TNFRSF11A: variants seen among roughly 807,000 people sequenced by gnomAD.
TNFRSF11A encodes the protein TNF receptor superfamily member 11a.
TNFRSF11A carries 32 observed loss-of-function variants against 55.7 expected under a neutral mutation model. That is an observed-to-expected ratio of 0.57 (90% CI 0.43 to 0.77). TNFRSF11A has a LOEUF of 0.77. Among genes scored for constraint, TNFRSF11A ranks in the 30% least tolerant of loss-of-function variants. The pLI is 0.00. For synonymous variants in TNFRSF11A, 311 were observed against 331.0 expected (o/e 0.94, Z 0.65); for missense variants, 753 against 809.8 (o/e 0.93, Z 0.85).
intron 3 of TNFRSF11A, among the ~76,000 whole-genome samples, chr18:62,350,234 C>T (rs1363702508): frequency 2.6e-5 from 4 of 152,150 alleles, no homozygotes; most frequent in Admixed American, 2.6e-4. Context: ...TTAATCCTCC[C>T]TGAAATCCTG....
In TNFRSF11A at chr18:62,385,683, C is replaced by T. The variant is rs970294658; in HGVS notation, c.*649C>T. On this transcript the variant is annotated 3_prime_UTR_variant, in exon 10 of 10. Transcript: ENST00000586569. ...GACTCCCCCCCCAGAGACACGGTCC[C>T]ACCATGTTACCCAGCCTGGTCTCAA... 1 of 151,212 alleles carries T rather than the reference C, an allele frequency of 6.6e-6. No individual in the cohort carries two copies. The highest frequency in any genetic ancestry group is 1.5e-5 in the Non-Finnish European group (1 of 67,730). 9.4% of individuals were successfully genotyped at this position (151,212 alleles called of 1,614,324 possible). A position where few individuals can be genotyped will look rare whatever the true frequency, so the allele number is the denominator to read the frequency against.
chr18:62,341,835 G>GTTTTTTTTTTTTTTTTTTTTTTT lies in TNFRSF11A; in HGVS notation c.76-6333_76-6332insTTTTTTTTTTTTTTTTTTTTTTT, dbSNP rs1568475429. Among the ~76,000 whole-genome samples, 2 of 68,852 alleles carry GTTTTTTTTTTTTTTTTTTTTTTT rather than the reference G, an allele frequency of 2.9e-5. 1 individual carries two copies. 45.2% of individuals were successfully genotyped at this position (68,852 alleles called of 152,430 possible). Reference sequence around the variant, plus strand: ...GGTGAGGAGACTCAGGCTGAGAATGGCTTTTTTTTTTTTTTTTTTTTTTGG... The same window carrying GTTTTTTTTTTTTTTTTTTTTTTT: ...GGTGAGGAGACTCAGGCTGAGAATGGTTTTTTTTTTTTTTTTTTTTTTTCTTTTTTTTTTTTTTTTTTTTTTGG... On this transcript the variant is annotated intron_variant, in intron 1 of 9. Coordinates refer to ENST00000586569, the MANE Select transcript of TNFRSF11A (RefSeq NM_003839.4).
intron 9 of TNFRSF11A, among the ~76,000 whole-genome samples, chr18:62,370,102 A>AT (rs1179503666): frequency 6.6e-6 from 1 of 152,224 alleles, no homozygotes; most frequent in East Asian, 1.9e-4. Context: ...CAGGCAGATA[A>AT]TTTTAACAAT....
In TNFRSF11A at chr18:62,383,852, G is replaced by C. The variant is rs1008262682; in HGVS notation, c.1568-899G>C. The stretch of plus-strand genomic sequence containing the variant: ...GTTTTGTGAATCTGTTTTGTTTCCG[G>C]GAGTAATTTTAATGTTAAGGAAGTG... On this transcript the variant is annotated intron_variant, in intron 9 of 9. Transcript: ENST00000586569. This position sits in a 1 kb window ranked among gnomAD's most constrained non-coding sequence, Gnocchi z 4.2. Among the ~76,000 whole-genome samples the C allele has an allele frequency of 6.6e-6, 1 of 152,008 alleles. No individual in the cohort carries two copies. The highest frequency in any genetic ancestry group is 3.4e-3 in the Middle Eastern group (1 of 294).
chr18:62,343,300 A>G (rs1448984996), intron 1 of TNFRSF11A, among the ~76,000 whole-genome samples: 1 of 152,228 alleles, frequency 6.6e-6, no homozygotes, highest in Non-Finnish European at 1.5e-5. Flanking sequence ...ATTTGACAAG[A>G]GGGGCCAAGC....
In TNFRSF11A at chr18:62,369,010, G is replaced by A; in HGVS notation, c.1093G>A (p.Glu365Lys). Residue 365 changes from glutamate to lysine, a missense_variant, in exon 9 of 10, where the codon GAG becomes AAG. By Grantham distance (56) the Glu-to-Lys change is moderately conservative. Transcript: ENST00000586569. ...CACAGACCAGTTACTGTTCCTCACT[G>A]AGCCTGGAAGCAAATCCACACCTCC... The part of the protein sequence containing the change: ...QPTDQLLFLT[E>K]PGSKSTPPFS... The A allele has an allele frequency of 6.2e-7, 1 of 1,614,238 alleles. No homozygotes were observed. The highest frequency in any genetic ancestry group is 8.5e-7 in the Non-Finnish European group (1 of 1,180,048).
chr18:62,325,671 C>A lies in TNFRSF11A; in HGVS notation c.75+244C>A, dbSNP rs183948830. ...GTTGGCGGGACCGCAACACCCGAAA[C>A]GGGCTCTTCCAAAAGCCCCTCTTAG... On this transcript the variant is annotated intron_variant, in intron 1 of 9. Transcript: ENST00000586569. The surrounding 1 kb of genome is among the most constrained non-coding windows in gnomAD (Gnocchi z 4.7). 5.3e-5 allele frequency among the ~76,000 whole-genome samples: 8 copies of A among 152,306 alleles called. No homozygotes were observed. In the East Asian group the frequency reaches 1.5e-3, roughly 29 times the overall value.
intron 4 of TNFRSF11A, among the ~76,000 whole-genome samples, chr18:62,356,481 C>T (rs1909264483): frequency 6.6e-6 from 1 of 152,214 alleles, no homozygotes; most frequent in Non-Finnish European, 1.5e-5. Context: ...ATCAGGGATT[C>T]TATTAGACTT....
intron 1 of TNFRSF11A, among the ~76,000 whole-genome samples, chr18:62,330,174 G>T (rs377173047): frequency 6.6e-6 from 1 of 152,240 alleles, no homozygotes; most frequent in Non-Finnish European, 1.5e-5. Flanking sequence ...CTGTCTTCAG[G>T]AGATTGGCAG....
rs1051638178 is a variant in TNFRSF11A at position 62,327,746 on chromosome 18, C to T, written c.75+2319C>T. 1.2e-4 allele frequency among the ~76,000 whole-genome samples: 18 copies of T among 152,232 alleles called. 1 individual carries two copies. The highest frequency in any genetic ancestry group is 9.6e-4 in the East Asian group (5 of 5,186). On this transcript the variant is annotated intron_variant, in intron 1 of 9. Transcript: ENST00000586569. Reference sequence around the variant, plus strand: ...CAGAAAGTGCCTTATCTGTAGGGATCGTATTTAGTTTCATTTTTATTATAT... The same window carrying T: ...CAGAAAGTGCCTTATCTGTAGGGATTGTATTTAGTTTCATTTTTATTATAT...
At chr18:62,363,655 C>A (rs1043040915) in intron 7 of TNFRSF11A, among the ~76,000 whole-genome samples, 1 of 152,170 alleles carries the variant, frequency 6.6e-6, no homozygotes, top group Admixed American at 6.5e-5. Flanking sequence ...GCATGAGCCA[C>A]CGCACCCAGC....
intron 9 of TNFRSF11A, among the ~76,000 whole-genome samples, chr18:62,377,242 T>C (rs1486638757): frequency 3.3e-5 from 5 of 152,182 alleles, no homozygotes; most frequent in East Asian, 3.9e-4. Flanking sequence ...CACTAAATAA[T>C]ATTCCATTGT....
rs1409365536 is a variant in TNFRSF11A, at chr18:62,385,694, C to T, written c.*660C>T. On this transcript the variant is annotated 3_prime_UTR_variant, in exon 10 of 10. Coordinates refer to ENST00000586569, the MANE Select transcript of TNFRSF11A (RefSeq NM_003839.4). Reference sequence around the variant, plus strand: ...CAGAGACACGGTCCCACCATGTTACCCAGCCTGGTCTCAAACTCCCCAGCT... The same window carrying T: ...CAGAGACACGGTCCCACCATGTTACTCAGCCTGGTCTCAAACTCCCCAGCT... The T allele has an allele frequency of 2.0e-5, 3 of 149,376 alleles. No homozygotes were observed. Among genetic ancestry groups the T allele is most frequent in the African/African-American group, 7.3e-5 (3 of 41,028 alleles). 9.3% of individuals were successfully genotyped at this position (149,376 alleles called of 1,614,324 possible).
chr18:62,348,107 A>C, intron 1 of TNFRSF11A, 61 bp from the exon 2 acceptor site: 1 of 1,223,514 alleles, frequency 8.2e-7, no homozygotes, highest in Non-Finnish European at 1.2e-6. Flanking sequence ...TTTTTGTTTT[A>C]CCTAGTTTTA....
intron 1 of TNFRSF11A, among the ~76,000 whole-genome samples, chr18:62,331,630 C>G (rs936853277): frequency 3.9e-5 from 6 of 152,204 alleles, no homozygotes; most frequent in Non-Finnish European, 8.8e-5. Context: ...AGATAAACAG[C>G]CAGTGATCCC....
At chr18:62,364,637 T>C (rs1031771555) in intron 7 of TNFRSF11A, among the ~76,000 whole-genome samples, 4 of 152,018 alleles carry the variant, frequency 2.6e-5, no homozygotes, top group African/African-American at 9.7e-5. Context: ...TCTCTTTTGG[T>C]GGGGGGTAGG....
intron 9 of TNFRSF11A, among the ~76,000 whole-genome samples, chr18:62,379,616 T>C (rs1911126210): frequency 6.6e-6 from 1 of 152,244 alleles, no homozygotes; most frequent in South Asian, 2.1e-4. Context: ...AGAAGGCTCC[T>C]GCACTTAGAC....
intron 1 of TNFRSF11A, among the ~76,000 whole-genome samples, chr18:62,326,730 T>G (rs2046081345): frequency 6.6e-6 from 1 of 152,226 alleles, no homozygotes; most frequent in East Asian, 1.9e-4. Context: ...CAGGGAGACC[T>G]TTCAACAAAT....
In TNFRSF11A at chr18:62,384,788, C is replaced by T. The variant is rs747705557; in HGVS notation, c.1605C>T (p.Ser535=). The change falls in exon 10 of 10, where the codon TCC becomes TCT. Residue 535 remains serine (S), a synonymous_variant. Coordinates refer to ENST00000586569, the MANE Select transcript of TNFRSF11A (RefSeq NM_003839.4). ...GAAACAGTAACTCCACGTTCATCTCCAGCGGGCAGGTGATGAACTTCAAGG... is the reference window on the plus strand; with the variant it reads ...GAAACAGTAACTCCACGTTCATCTCTAGCGGGCAGGTGATGAACTTCAAGG... ...VTGNSNSTFI[S]SGQVMNFKGD... The T allele has an allele frequency of 1.2e-6, 2 of 1,612,794 alleles. No individual in the cohort carries two copies. Among genetic ancestry groups the T allele is most frequent in the Non-Finnish European group, 1.7e-6 (2 of 1,179,558 alleles).
Sources: allele counts gnomAD v4.1 joint callset (sites outside exome capture counted in the v4.1 genomes callset), GRCh38; gene constraint gnomAD v4.1.1; non-coding constraint Gnocchi (gnomAD v3.1); transcripts MANE v1.5; gene names NCBI Gene and HGNC (gene_info 2026-07-23, HGNC 2026-07-21).